The following PDE4B variants were observed in gnomAD, a reference collection of about 807,000 sequenced individuals.
The protein encoded by PDE4B is 3',5'-cyclic-AMP phosphodiesterase 4B.
PDE4B carries 20 observed loss-of-function variants against 82.2 expected under a neutral mutation model. The observed-to-expected ratio is 0.24, with a 90% CI of 0.17 to 0.35. The LOEUF (loss-of-function observed/expected upper bound fraction) is 0.35. Ranked by LOEUF, PDE4B falls within the 10% of genes least tolerant of loss-of-function variation. The probability of loss-of-function intolerance (pLI) is 1.00; values close to 1 mark genes in which losing one functional copy is unlikely to be tolerated. For missense variants in PDE4B, 655 were observed against 907.2 expected (o/e 0.72, Z 3.57); for synonymous variants, 320 against 318.9 (o/e 1.00, Z -0.04).
At chr1:66,250,606 AG>A (rs1653686706) in intron 4 of PDE4B, among the ~76,000 whole-genome samples, 1 of 152,214 alleles carries the variant, frequency 6.6e-6, no homozygotes, top group Admixed American at 6.5e-5. Flanking sequence ...GGGTCCCAAA[AG>A]GCAATTTCAG....
intron 1 of PDE4B, among the ~76,000 whole-genome samples, chr1:65,882,907 A>T (rs1364517256): frequency 6.6e-6 from 1 of 152,082 alleles, no homozygotes; most frequent in Admixed American, 6.6e-5. Flanking sequence ...ACACAAATGA[A>T]CTCATCTCAT....
intron 7 of PDE4B, chr1:66,330,705 GC>G: frequency 1.1e-6 from 1 of 902,096 alleles, no homozygotes; most frequent in Non-Finnish European, 1.3e-6. Context: ...TTCAGAAAAG[GC>G]TTCCTTGGAA....
At chr1:66,002,426 G>C (rs1651916733) in intron 3 of PDE4B, among the ~76,000 whole-genome samples, 1 of 152,026 alleles carries the variant, frequency 6.6e-6, no homozygotes, top group East Asian at 1.9e-4. Flanking sequence ...AAATATAGTA[G>C]AGGGCTAAAG....
At chr1:66,169,476 A>T (rs1646797913) in intron 3 of PDE4B, among the ~76,000 whole-genome samples, 1 of 152,184 alleles carries the variant, frequency 6.6e-6, no homozygotes, top group South Asian at 2.1e-4. Flanking sequence ...GATGAAAAAG[A>T]CCTATAATCT....
chr1:66,091,443 G>A (rs564761934), intron 3 of PDE4B, among the ~76,000 whole-genome samples: 12 of 152,180 alleles, frequency 7.9e-5, no homozygotes, highest in African/African-American at 2.2e-4. Flanking sequence ...ATTTATCTTC[G>A]TGAATGTTAA....
rs2050865367 is a variant in PDE4B, at chr1:66,373,716, A to G, written c.*1038A>G. The G allele has an allele frequency of 1.3e-5, 2 of 152,618 alleles. No individual in the cohort carries two copies. 9.5% of individuals were successfully genotyped at this position (152,618 alleles called of 1,614,324 possible). ...TTTATATATCTAACATTGCCTGCCA[A>G]TGGTGGTGTTAAATTTGTGTAGAAA... is the stretch of plus-strand genomic sequence containing the variant. On this transcript the variant is annotated 3_prime_UTR_variant, in exon 17 of 17. Coordinates refer to ENST00000341517, the MANE Select transcript of PDE4B (RefSeq NM_002600.4).
At chr1:66,090,619 A>ATG (rs1377102310) in intron 3 of PDE4B, among the ~76,000 whole-genome samples, 1 of 18,872 alleles carries the variant, frequency 5.3e-5, no homozygotes, top group Admixed American at 5.6e-4. Flanking sequence ...TGTATATAAT[A>ATG]TATGTGTGTG....
At chr1:66,155,004 C>T (rs1646474941) in intron 3 of PDE4B, among the ~76,000 whole-genome samples, 1 of 152,084 alleles carries the variant, frequency 6.6e-6, no homozygotes, top group Non-Finnish European at 1.5e-5. Context: ...ATAGTGACAC[C>T]TCATCTCTAC....
intron 3 of PDE4B, among the ~76,000 whole-genome samples, chr1:65,960,614 C>G (rs1457503800): frequency 6.6e-6 from 1 of 152,022 alleles, no homozygotes; most frequent in African/African-American, 2.4e-5. Context: ...ACCAATTTAT[C>G]CAGGCTAAAA....
chr1:66,337,470 G>A (rs1660617683), intron 8 of PDE4B, among the ~76,000 whole-genome samples: 2 of 152,206 alleles, frequency 1.3e-5, no homozygotes. Flanking sequence ...TAACCAAGAG[G>A]CAGCAATGAG....
intron 3 of PDE4B, among the ~76,000 whole-genome samples, chr1:66,234,513 G>A (rs184592204): frequency 1.3e-5 from 2 of 152,140 alleles, no homozygotes; most frequent in East Asian, 3.9e-4. Context: ...GGTCTCAAAC[G>A]CCTGACCTCA....
chr1:66,056,788 T>C (rs185299416), intron 3 of PDE4B, among the ~76,000 whole-genome samples: 1 of 152,162 alleles, frequency 6.6e-6, no homozygotes, highest in East Asian at 1.9e-4. Context: ...ATGCAGGTCA[T>C]GTTTGGAAGC....
intron 3 of PDE4B, among the ~76,000 whole-genome samples, chr1:66,120,980 G>A (rs1005680654): frequency 2.0e-5 from 3 of 152,126 alleles, no homozygotes; most frequent in African/African-American, 7.2e-5. Flanking sequence ...GATTATGCAT[G>A]TGTCCCCATA....
chr1:66,296,160 T>C (rs1399364661), intron 7 of PDE4B, among the ~76,000 whole-genome samples: 1 of 152,188 alleles, frequency 6.6e-6, no homozygotes, highest in African/African-American at 2.4e-5. Flanking sequence ...TGTGTTATGA[T>C]GACCCATTTA....
At chr1:66,318,206 A>G (rs1252326230) in intron 7 of PDE4B, among the ~76,000 whole-genome samples, 1 of 152,182 alleles carries the variant, frequency 6.6e-6, no homozygotes, top group Non-Finnish European at 1.5e-5. Flanking sequence ...GATCTAATAT[A>G]TACTTAGTGT....
chr1:66,344,908 C>G (rs1661272651), intron 8 of PDE4B, among the ~76,000 whole-genome samples: 1 of 152,202 alleles, frequency 6.6e-6, no homozygotes, highest in Non-Finnish European at 1.5e-5. Context: ...TATGTGCTCT[C>G]AAAGCTTCCT....
At chr1:66,364,128 T>C (rs1663041655) in intron 12 of PDE4B, among the ~76,000 whole-genome samples, 1 of 152,166 alleles carries the variant, frequency 6.6e-6, no homozygotes, top group Admixed American at 6.6e-5. Context: ...ATGCAATTAC[T>C]TATCTGAACT....
intron 3 of PDE4B, among the ~76,000 whole-genome samples, chr1:66,216,245 C>T (rs1263594035): frequency 6.7e-6 from 1 of 150,158 alleles, no homozygotes; most frequent in Non-Finnish European, 1.5e-5. Context: ...TTTAAAATAT[C>T]CTATCTATTT....
intron 3 of PDE4B, among the ~76,000 whole-genome samples, chr1:65,965,886 T>C (rs1179330457): frequency 6.6e-6 from 1 of 152,112 alleles, no homozygotes; most frequent in African/African-American, 2.4e-5. Context: ...TACGTATTGA[T>C]GGAACATATC....
Sources: allele counts gnomAD v4.1 joint callset (sites outside exome capture counted in the v4.1 genomes callset), GRCh38; gene constraint gnomAD v4.1.1; transcripts MANE v1.5; gene names NCBI Gene and HGNC (gene_info 2026-07-23, HGNC 2026-07-21).